The following ZNF333 variants were observed in gnomAD, a reference collection of about 807,000 sequenced individuals.
ZNF333 encodes the protein zinc finger protein 333.
ZNF333 carries 61 observed loss-of-function variants against 76.1 expected under a neutral mutation model. The observed-to-expected ratio is 0.80, with a 90% CI of 0.65 to 0.99. The LOEUF (loss-of-function observed/expected upper bound fraction) is 0.99, where lower values mean the gene tolerates loss of function less well. Ranked by LOEUF, ZNF333 falls within the 50% of genes least tolerant of loss-of-function variation. The probability of loss-of-function intolerance (pLI) is 0.00; values close to 1 mark genes in which losing one functional copy is unlikely to be tolerated. For missense variants in ZNF333, 717 were observed against 822.4 expected, an observed-to-expected ratio of 0.87 and a Z score of 1.57; for synonymous variants, 284 against 305.0, an observed-to-expected ratio of 0.93 and a Z score of 0.72.
At chr19:14,695,686 C>A (rs201196182) in intron 4 of ZNF333, 25 bp downstream of exon 4, 26 of 1,604,812 alleles carry the variant, frequency 1.6e-5, no homozygotes, top group African/African-American at 1.6e-4. Flanking sequence ...GGCTGTGGAT[C>A]CCCCGACCCC....
intron 7 of ZNF333, chr19:14,707,949 T>A (rs1162576823): frequency 2.5e-6 from 1 of 400,986 alleles, no homozygotes; most frequent in Non-Finnish European, 4.4e-6. Context: ...CTTGTGTTGC[T>A]CTTCAGTATA....
At chr19:14,722,842 A>G (rs893129062), downstream of ZNF333, among the ~76,000 whole-genome samples, 2 of 152,068 alleles carry the variant, frequency 1.3e-5, no homozygotes, top group Non-Finnish European at 2.9e-5. Context: ...CTGGAGTGCA[A>G]TGGCGCAATC....
chr19:14,711,408 C>T (rs529707559), intron 7 of ZNF333, among the ~76,000 whole-genome samples: 23 of 152,170 alleles, frequency 1.5e-4, no homozygotes, highest in Non-Finnish European at 2.9e-4. Context: ...TGATTTAAAA[C>T]ACATAGAGGC....
exon 12 of ZNF333, chr19:14,731,267 A>G (rs2147052088): frequency 7.2e-7 from 1 of 1,381,206 alleles, no homozygotes; most frequent in South Asian, 1.2e-5. Flanking sequence ...AAGGATCACT[A>G]CTGGGGCTTG....
rs1316144676 is a variant in ZNF333 at position 14,706,636 on chromosome 19, G to A, written c.424-50G>A. 1.1e-5 allele frequency: 16 copies of A among 1,455,822 alleles called. No homozygotes were observed. The African/African-American group carries it at 1.7e-4, about 15-fold the overall frequency. 90.2% of individuals were successfully genotyped at this position (1,455,822 alleles called of 1,614,324 possible). ...CATTTGGGGTGAGCAGGTGTGAGTG[G>A]CCCCCTCAGCTTCTTGACTCTAATC... On this transcript the variant is annotated intron_variant, in intron 6 of 11. Coordinates refer to ENST00000292530, the MANE Select transcript of ZNF333 (RefSeq NM_032433.4).
At chr19:14,723,042 TC>T (rs2042609298), downstream of ZNF333, among the ~76,000 whole-genome samples, 1 of 152,212 alleles carries the variant, frequency 6.6e-6, no homozygotes, top group Non-Finnish European at 1.5e-5. Context: ...TGCCTTAGCC[TC>T]CCAAAGTGCT....
In ZNF333 at chr19:14,694,897, G is replaced by A. The variant is rs1439336669; in HGVS notation, c.4-113G>A. On this transcript the variant is annotated intron_variant, in intron 2 of 11. Coordinates refer to ENST00000292530, the MANE Select transcript of ZNF333 (RefSeq NM_032433.4). ...TATTTACAAAAATAGGCTTTAGGCT[G>A]GATTTTCCATGCCTGCTGTGTCTGA... The A allele has an allele frequency of 5.3e-6, 8 of 1,510,490 alleles. No individual in the cohort carries two copies. The Admixed American group carries it at 1.3e-4, about 25-fold the overall frequency. The allele number at this position is 1,510,490 out of a possible 1,614,324, so 93.6% of individuals were successfully genotyped here.
rs566898363 is a variant in ZNF333 at position 14,711,888 on chromosome 19, T to C, written c.512-3494T>C. Among the ~76,000 whole-genome samples, 3 of 152,114 alleles carry C rather than the reference T, an allele frequency of 2.0e-5. No individual in the cohort carries two copies. The East Asian group carries it at 5.8e-4, about 29-fold the overall frequency. On this transcript the variant is annotated intron_variant, in intron 7 of 11. Transcript: ENST00000292530. ...TAGCTGGTTACAGATGGGTAAGGGC[T>C]GCGAAGAAAGGGAAGGGGTCCTATC...
chr19:14,690,422 TGTG>T (rs1209411531), intron 1 of ZNF333, among the ~76,000 whole-genome samples: 4 of 152,168 alleles, frequency 2.6e-5, no homozygotes, highest in Admixed American at 6.5e-5. Context: ...AGCTCAGAAA[TGTG>T]GTGACACCGG....
chr19:14,697,715 G>A (rs546046327), intron 4 of ZNF333, among the ~76,000 whole-genome samples: 24 of 152,158 alleles, frequency 1.6e-4, no homozygotes, highest in Admixed American at 1.4e-3. Flanking sequence ...ATATACTGAG[G>A]AGCAGAATTG....
chr19:14,699,446 C>A lies in ZNF333; in HGVS notation c.306+165C>A. ...CCTGTGACTTCTGAATTTGGGCAAA[C>A]CCAGACTGTTGCTCAAGACTTTTTT... is the stretch of plus-strand genomic sequence containing the variant. On this transcript the variant is annotated intron_variant, in intron 5 of 11. Transcript: ENST00000292530. 4.9e-6 allele frequency: 3 copies of A among 613,524 alleles called. No individual in the cohort carries two copies. The South Asian group carries it at 5.9e-5, about 12-fold the overall frequency. The allele number at this position is 613,524 out of a possible 1,614,324, so 38.0% of individuals were successfully genotyped here.
intron 4 of ZNF333, among the ~76,000 whole-genome samples, chr19:14,696,861 C>A (rs557211047): frequency 2.7e-5 from 4 of 150,268 alleles, no homozygotes; most frequent in Non-Finnish European, 5.9e-5. Flanking sequence ...GCCTGAGTCT[C>A]CTGAGTAGCT....
At chr19:14,705,364 C>G (rs2042078721) in intron 6 of ZNF333, among the ~76,000 whole-genome samples, 194 bp downstream of exon 6, 1 of 152,094 alleles carries the variant, frequency 6.6e-6, no homozygotes, top group Admixed American at 6.6e-5. Flanking sequence ...ATGGCGGGCT[C>G]CAGGGCGGGT....
chr19:14,690,073 C>CGACGGCGGCT lies in ZNF333; in HGVS notation c.-116_-107dup, dbSNP rs1390485762. 5.3e-5 allele frequency: 8 copies of CGACGGCGGCT among 152,034 alleles called. No homozygotes were observed. Among genetic ancestry groups the CGACGGCGGCT allele is most frequent in the Admixed American group, 1.3e-4 (2 of 15,156 alleles). The allele number at this position is 152,034 out of a possible 1,614,324, so 9.4% of individuals were successfully genotyped here. Reference sequence around the variant, plus strand: ...AAGCGGAAGTGCGCGCGGCGGCGGCCGACGGCGGCTGAGCTGTGCTGCGCG... The same window carrying CGACGGCGGCT: ...AAGCGGAAGTGCGCGCGGCGGCGGCCGACGGCGGCTGACGGCGGCTGAGCTGTGCTGCGCG... On this transcript the variant is annotated 5_prime_UTR_variant, in exon 1 of 12. Coordinates refer to ENST00000292530, the MANE Select transcript of ZNF333 (RefSeq NM_032433.4).
rs752432012 is a variant in ZNF333, at chr19:14,731,231, C to A, written c.*45C>A. ...CCAGTACTCTCTTGCATGTTCAGAT[C>A]GCTAGAATCCAACCTCTGGATATCA... On this transcript the variant is annotated 3_prime_UTR_variant, in exon 12 of 12. Transcript: ENST00000540689. 3 of 1,518,890 alleles carry A rather than the reference C, an allele frequency of 2.0e-6. No homozygotes were observed. The African/African-American group carries it at 4.1e-5, about 21-fold the overall frequency. 94.1% of individuals were successfully genotyped at this position (1,518,890 alleles called of 1,614,324 possible).
At chr19:14,705,482 T>C (rs1484805047) in intron 6 of ZNF333, among the ~76,000 whole-genome samples, 3 of 152,098 alleles carry the variant, frequency 2.0e-5, no homozygotes, top group Non-Finnish European at 4.4e-5. Context: ...ACCTCGAAAC[T>C]GACAGGAACT....
chr19:14,717,554 TG>T, intron 10 of ZNF333, 102 bp from the exon 11 acceptor site: 1 of 958,190 alleles, frequency 1.0e-6, no homozygotes, highest in Non-Finnish European at 1.7e-6. Flanking sequence ...GACCAGTATT[TG>T]GGAAAAAAAG....
At chr19:14,725,463 T>A (rs1599764523), downstream of ZNF333, among the ~76,000 whole-genome samples, 1 of 152,160 alleles carries the variant, frequency 6.6e-6, no homozygotes, top group Admixed American at 6.6e-5. Flanking sequence ...TGTTCCACCA[T>A]CAACTCAATC....
At chr19:14,697,449 C>T (rs1973299902) in intron 4 of ZNF333, among the ~76,000 whole-genome samples, 1 of 149,370 alleles carries the variant, frequency 6.7e-6, no homozygotes, top group Non-Finnish European at 1.5e-5. Flanking sequence ...GCAGCCTCAG[C>T]CTTTTGGGCT....
Sources: allele counts gnomAD v4.1 joint callset (sites outside exome capture counted in the v4.1 genomes callset), GRCh38; gene constraint gnomAD v4.1.1; transcripts MANE v1.5; gene names NCBI Gene and HGNC (gene_info 2026-07-23, HGNC 2026-07-21).